RAB27B: variants seen among roughly 807,000 people sequenced by gnomAD.
The protein encoded by RAB27B is RAB27B, member RAS oncogene family.
In RAB27B, 15 loss-of-function variants were observed where a neutral mutation model predicts 24.6. The ratio of observed to expected loss-of-function variants is 0.61; its 90% confidence interval spans 0.41 to 0.94. The LOEUF (loss-of-function observed/expected upper bound fraction) is 0.94, where lower values mean the gene tolerates loss of function less well. Among genes scored for constraint, RAB27B ranks in the 40% least tolerant of loss-of-function variants. The pLI is 0.00. For missense variants in RAB27B, 261 were observed against 266.8 expected (o/e 0.98, Z 0.15); for synonymous variants, 105 against 92.5 (o/e 1.14, Z -0.78).
At chr18:54,825,196 C>T (rs1368279108), upstream of RAB27B, among the ~76,000 whole-genome samples, 1 of 151,968 alleles carries the variant, frequency 6.6e-6, no homozygotes, top group Non-Finnish European at 1.5e-5. Flanking sequence ...AATTTTTTTT[C>T]CTTGTATGTG....
chr18:54,751,637 G>A (rs1162953586), intron 2 of RAB27B, among the ~76,000 whole-genome samples: 1 of 152,122 alleles, frequency 6.6e-6, no homozygotes, highest in Non-Finnish European at 1.5e-5. Context: ...GTGAGGTTGA[G>A]TAAAAAACCA....
At chr18:54,749,406 G>C (rs748584812) in intron 2 of RAB27B, among the ~76,000 whole-genome samples, 4 of 152,084 alleles carry the variant, frequency 2.6e-5, no homozygotes, top group Non-Finnish European at 4.4e-5. Flanking sequence ...TTCACCAAAG[G>C]CATTCCTTCC....
chr18:54,796,835 C>T (rs1170947124), intron 2 of RAB27B, among the ~76,000 whole-genome samples: 1 of 152,136 alleles, frequency 6.6e-6, no homozygotes, highest in Non-Finnish European at 1.5e-5. Context: ...AGACTGGGAC[C>T]CTGCCCTTCT....
intron 2 of RAB27B, among the ~76,000 whole-genome samples, chr18:54,802,664 A>G (rs942238650): frequency 1.6e-4 from 25 of 152,362 alleles, no homozygotes; most frequent in Non-Finnish European, 7.3e-5. Flanking sequence ...TCAATGGAAT[A>G]TAAGGCAAAA....
chr18:54,783,481 T>G (rs796373431), intron 2 of RAB27B, among the ~76,000 whole-genome samples: 2 of 149,672 alleles, frequency 1.3e-5, no homozygotes, highest in African/African-American at 4.9e-5. Flanking sequence ...GCCTATGGCT[T>G]TGTGTGTGTG....
At chr18:54,778,900 G>A (rs1385992308) in intron 2 of RAB27B, among the ~76,000 whole-genome samples, 1 of 151,500 alleles carries the variant, frequency 6.6e-6, no homozygotes, top group Non-Finnish European at 1.5e-5. Context: ...GAGCACAGTG[G>A]CGTGATCTCA....
At chr18:54,838,823 A>G (rs1910996108) in intron 1 of RAB27B, among the ~76,000 whole-genome samples, 1 of 152,104 alleles carries the variant, frequency 6.6e-6, no homozygotes, top group Non-Finnish European at 1.5e-5. Context: ...GGCTACTTAT[A>G]TTATTCACTA....
At chr18:54,866,601 A>T (rs1435253944) in intron 1 of RAB27B, among the ~76,000 whole-genome samples, 2 of 152,104 alleles carry the variant, frequency 1.3e-5, no homozygotes, top group African/African-American at 4.8e-5. Flanking sequence ...CCCGGCAGGG[A>T]TCCTTCTTTT....
At chr18:54,771,994 C>G (rs1908566830) in intron 2 of RAB27B, among the ~76,000 whole-genome samples, 1 of 152,192 alleles carries the variant, frequency 6.6e-6, no homozygotes, top group Non-Finnish European at 1.5e-5. Flanking sequence ...AACACATTGA[C>G]TCACACACAT....
upstream of RAB27B, among the ~76,000 whole-genome samples, chr18:54,824,794 G>C (rs2145172973): frequency 6.6e-6 from 1 of 152,242 alleles, no homozygotes; most frequent in Non-Finnish European, 1.5e-5. Flanking sequence ...AAATGCACAT[G>C]TGTATCAAAC....
At chr18:54,863,250 G>A (rs1005675739) in intron 1 of RAB27B, among the ~76,000 whole-genome samples, 1 of 152,042 alleles carries the variant, frequency 6.6e-6, no homozygotes, top group Non-Finnish European at 1.5e-5. Flanking sequence ...AGGCCCTATT[G>A]TATCATTTTC....
upstream of RAB27B, among the ~76,000 whole-genome samples, chr18:54,826,749 A>G (rs997165058): frequency 6.6e-5 from 10 of 152,182 alleles, no homozygotes; most frequent in African/African-American, 2.2e-4. Flanking sequence ...CCTGTCTTCC[A>G]CCTTTTGAAC....
At chr18:54,811,418 G>A (rs775637180) in intron 2 of RAB27B, among the ~76,000 whole-genome samples, 96 of 152,110 alleles carry the variant, frequency 6.3e-4, no homozygotes, top group Admixed American at 1.5e-3. Context: ...AACTCAAGAG[G>A]GCAGGAGCTC....
At chr18:54,800,964 T>C (rs1301102182) in intron 2 of RAB27B, among the ~76,000 whole-genome samples, 1 of 151,748 alleles carries the variant, frequency 6.6e-6, no homozygotes, top group African/African-American at 2.4e-5. Context: ...TATTTTATTT[T>C]ATTTTTTGGA....
chr18:54,811,031 G>A (rs1192860599), intron 2 of RAB27B, among the ~76,000 whole-genome samples: 2 of 151,892 alleles, frequency 1.3e-5, no homozygotes, highest in East Asian at 1.9e-4. Context: ...TACCTGAAAC[G>A]AATACATTTC....
rs1441991944 is a variant in RAB27B at position 54,891,427 on chromosome 18, A to G, written c.*2014A>G. The G allele has an allele frequency of 1.3e-5, 2 of 152,046 alleles. No individual in the cohort carries two copies. The highest frequency in any genetic ancestry group is 4.8e-5 in the African/African-American group (2 of 41,398). 9.4% of individuals were successfully genotyped at this position (152,046 alleles called of 1,614,324 possible). A position where few individuals can be genotyped will look rare whatever the true frequency, so the allele number is the denominator to read the frequency against. On this transcript the variant is annotated 3_prime_UTR_variant, in exon 6 of 6. Coordinates refer to ENST00000262094, the MANE Select transcript of RAB27B (RefSeq NM_004163.4). Reference sequence around the variant, plus strand: ...CTCTGGGATGCTCTTCATTATCTCAATGCCTGTGCCATGAAGATAGAAAAC... The same window carrying G: ...CTCTGGGATGCTCTTCATTATCTCAGTGCCTGTGCCATGAAGATAGAAAAC...
At chr18:54,774,710 C>T (rs931393235) in intron 2 of RAB27B, among the ~76,000 whole-genome samples, 5 of 152,194 alleles carry the variant, frequency 3.3e-5, no homozygotes, top group East Asian at 1.9e-4. Context: ...TGTTTCTATT[C>T]TGTAATAAAG....
chr18:54,747,833 C>T (rs1910301530), intron 2 of RAB27B, among the ~76,000 whole-genome samples: 1 of 152,076 alleles, frequency 6.6e-6, no homozygotes, highest in African/African-American at 2.4e-5. Flanking sequence ...CTCGGCTGGG[C>T]TTGGTGGCTC....
chr18:54,736,449 T>A (rs1322868719), intron 2 of RAB27B, among the ~76,000 whole-genome samples: 1 of 151,816 alleles, frequency 6.6e-6, no homozygotes, highest in Non-Finnish European at 1.5e-5. Flanking sequence ...ATTTCATTAT[T>A]GTTGTAAATT....
Sources: allele counts gnomAD v4.1 joint callset (sites outside exome capture counted in the v4.1 genomes callset), GRCh38; gene constraint gnomAD v4.1.1; transcripts MANE v1.5; gene names NCBI Gene and HGNC (gene_info 2026-07-23, HGNC 2026-07-21).